The following MYRIP variants were observed in gnomAD, a reference collection of about 807,000 sequenced individuals.
MYRIP encodes the protein rab effector MyRIP.
In MYRIP, 49 loss-of-function variants were observed where a neutral mutation model predicts 98.0. That is an observed-to-expected ratio of 0.50 (90% CI 0.40 to 0.63). MYRIP has a LOEUF of 0.63. MYRIP is among the 30% of genes least tolerant of loss of function. The pLI is 0.00. For missense variants in MYRIP, 1,004 were observed against 1,058.2 expected (o/e 0.95, Z 0.71); for synonymous variants, 404 against 409.5 (o/e 0.99, Z 0.16).
chr3:39,898,280 A>T lies in MYRIP; in HGVS notation c.-30-2507A>T, dbSNP rs191170272. On this transcript the variant is annotated intron_variant, in intron 1 of 16. Coordinates refer to ENST00000302541, the MANE Select transcript of MYRIP (RefSeq NM_015460.4). ...AATGGAGTGAAAAATAAAATTTTTTAAAAAAATAGTTGGAATTCCTGTTGT... is the reference window on the plus strand; with the variant it reads ...AATGGAGTGAAAAATAAAATTTTTTTAAAAAATAGTTGGAATTCCTGTTGT... Among the ~76,000 whole-genome samples, 911 of 152,268 alleles carry T rather than the reference A, an allele frequency of 6.0e-3. 6 individuals carry two copies. Among genetic ancestry groups the T allele is most frequent in the Middle Eastern group, 0.014 (4 of 294 alleles).
chr3:39,947,529 A>G (rs1348880532), intron 2 of MYRIP, among the ~76,000 whole-genome samples: 3 of 152,174 alleles, frequency 2.0e-5, no homozygotes, highest in Non-Finnish European at 2.9e-5. Context: ...AACATTTACA[A>G]GAGAAAGCTA....
chr3:39,837,936 CTTGTAAG>C (rs1342404491), intron 1 of MYRIP, among the ~76,000 whole-genome samples: 1 of 152,158 alleles, frequency 6.6e-6, no homozygotes, highest in East Asian at 1.9e-4. Flanking sequence ...CTTCGCATCC[CTTGTAAG>C]TTGTATTCCT....
intron 3 of MYRIP, among the ~76,000 whole-genome samples, chr3:40,085,350 G>A (rs542673861): frequency 5.9e-5 from 9 of 152,092 alleles, no homozygotes; most frequent in Non-Finnish European, 1.0e-4. Context: ...GCAGTGGCGC[G>A]ATCTTGGCCC....
intron 3 of MYRIP, among the ~76,000 whole-genome samples, chr3:40,137,620 AT>A (rs1237420136): frequency 2.0e-5 from 3 of 152,236 alleles, no homozygotes; most frequent in Non-Finnish European, 2.9e-5. Context: ...ATGAACATCG[AT>A]GCAAAAATCC....
rs912999616 is a variant in MYRIP at position 39,896,881 on chromosome 3, G to T, written c.-30-3906G>T. Among the ~76,000 whole-genome samples, 14 of 151,564 alleles carry T rather than the reference G, an allele frequency of 9.2e-5. 1 individual carries two copies. Among genetic ancestry groups the T allele is most frequent in the Non-Finnish European group, 4.4e-5 (3 of 67,912 alleles). ...TTTTGTTTTTTTTTTCATTTGCAAG[G>T]GTTGTATTAACCAGTACCTGTAGAC... On this transcript the variant is annotated intron_variant, in intron 1 of 16. Transcript: ENST00000302541.
intron 11 of MYRIP, among the ~76,000 whole-genome samples, chr3:40,229,376 T>C (rs1248313523): frequency 1.3e-5 from 2 of 151,970 alleles, no homozygotes; most frequent in African/African-American, 4.8e-5. Context: ...AAAAAAACGA[T>C]AGAGTTGAGA....
chr3:39,933,815 A>G (rs35252556), intron 2 of MYRIP, among the ~76,000 whole-genome samples: 13,744 of 152,216 alleles, frequency 0.09, 729 homozygotes, highest in African/African-American at 0.15. Flanking sequence ...TTCTCCTTTT[A>G]TATCTTTTAT....
At chr3:40,195,909 T>C (rs573069051) in intron 10 of MYRIP, among the ~76,000 whole-genome samples, 65 of 152,268 alleles carry the variant, frequency 4.3e-4, no homozygotes, top group African/African-American at 1.4e-3. Context: ...CTTCTTTGGT[T>C]GTTAGACTAT....
At chr3:40,074,628 A>G (rs1276940091) in intron 3 of MYRIP, among the ~76,000 whole-genome samples, 1 of 152,174 alleles carries the variant, frequency 6.6e-6, no homozygotes, top group Non-Finnish European at 1.5e-5. Context: ...AAATCATAAA[A>G]GATGAAAGCA....
intron 2 of MYRIP, among the ~76,000 whole-genome samples, chr3:40,014,141 A>C (rs997320448): frequency 7.2e-5 from 11 of 152,298 alleles, no homozygotes; most frequent in African/African-American, 2.6e-4. Flanking sequence ...GTGATGATTT[A>C]AGATTCTTAT....
At chr3:40,156,654 C>T (rs923298747) in intron 4 of MYRIP, among the ~76,000 whole-genome samples, 2 of 150,606 alleles carry the variant, frequency 1.3e-5, no homozygotes, top group Admixed American at 1.3e-4. Context: ...TTGTTTGTAT[C>T]CTCTTTTATT....
intron 2 of MYRIP, among the ~76,000 whole-genome samples, chr3:39,995,207 GAGA>G (rs754226754): frequency 6.6e-6 from 1 of 152,200 alleles, no homozygotes; most frequent in Non-Finnish European, 1.5e-5. Flanking sequence ...GACAAGTTGA[GAGA>G]AGAAGGCTTC....
chr3:40,075,729 C>T (rs1948329333), intron 3 of MYRIP, among the ~76,000 whole-genome samples: 1 of 151,322 alleles, frequency 6.6e-6, no homozygotes, highest in South Asian at 2.1e-4. Context: ...ATGGTCTCTT[C>T]TGTAGAAGAA....
chr3:40,008,771 G>C (rs1946689376), intron 2 of MYRIP, among the ~76,000 whole-genome samples: 1 of 152,180 alleles, frequency 6.6e-6, no homozygotes, highest in Non-Finnish European at 1.5e-5. Flanking sequence ...CAGCCCCCAA[G>C]AGTGATATTG....
chr3:39,906,383 T>C (rs527470852), intron 2 of MYRIP, among the ~76,000 whole-genome samples: 65 of 152,186 alleles, frequency 4.3e-4, no homozygotes, highest in Non-Finnish European at 8.4e-4. Flanking sequence ...ACATATCTTT[T>C]CATGAACTTT....
At chr3:40,001,565 A>G (rs972521412) in intron 2 of MYRIP, among the ~76,000 whole-genome samples, 1 of 152,226 alleles carries the variant, frequency 6.6e-6, no homozygotes, top group Non-Finnish European at 1.5e-5. Context: ...GAACCACATA[A>G]TAGTAACTGA....
chr3:39,872,407 T>A (rs929796669), intron 1 of MYRIP, among the ~76,000 whole-genome samples: 1 of 152,080 alleles, frequency 6.6e-6, no homozygotes, highest in Non-Finnish European at 1.5e-5. Flanking sequence ...TACATATGTA[T>A]ACATGTGCCA....
chr3:40,227,915 G>A (rs1323883616), intron 11 of MYRIP, among the ~76,000 whole-genome samples: 2 of 152,230 alleles, frequency 1.3e-5, no homozygotes, highest in Non-Finnish European at 2.9e-5. Flanking sequence ...GGTGCAGAGG[G>A]GTTAAGTATT....
chr3:39,971,022 G>A (rs549843079), intron 2 of MYRIP, among the ~76,000 whole-genome samples: 34 of 151,996 alleles, frequency 2.2e-4, no homozygotes, highest in African/African-American at 7.2e-4. Context: ...CTATCAAAGA[G>A]GTGACTCTGA....
Sources: gnomAD v4.1 joint callset for allele counts (sites outside exome capture counted in the v4.1 genomes callset) on GRCh38, gnomAD v4.1.1 for gene constraint, MANE v1.5 for transcripts, NCBI Gene and HGNC (gene_info 2026-07-23, HGNC 2026-07-21) for gene names.